Variants in CSMD1 observed in about 807,000 individuals in gnomAD.
CSMD1 encodes the protein CUB and sushi domain-containing protein 1.
CSMD1 carries 213 observed loss-of-function variants against 417.5 expected under a neutral mutation model. That is an observed-to-expected ratio of 0.51 (90% confidence interval 0.46 to 0.57). The LOEUF is 0.57. CSMD1 is among the 20% of genes least tolerant of loss of function. The pLI, the probability that CSMD1 is intolerant of heterozygous loss-of-function variation, is 0.00. For missense variants in CSMD1, 6,923 were observed against 4,529.7 expected, an observed-to-expected ratio of 1.53 and a Z score of -15.17; for synonymous variants, 2,862 against 1,736.8, an observed-to-expected ratio of 1.65 and a Z score of -16.11.
intron 1 of CSMD1, among the ~76,000 whole-genome samples, chr8:4,858,752 A>G: frequency 2.1e-5 from 3 of 143,026 alleles, no homozygotes; most frequent in Admixed American, 7.1e-5. Context: ...ACCACTGCTC[A>G]AGGAAATAAA....
At chr8:4,213,157 A>G (rs555990095) in intron 3 of CSMD1, among the ~76,000 whole-genome samples, 1 of 152,328 alleles carries the variant, frequency 6.6e-6, no homozygotes, top group Admixed American at 6.5e-5. Flanking sequence ...TTACTAGGAT[A>G]TAAACCAAAT....
intron 3 of CSMD1, among the ~76,000 whole-genome samples, chr8:4,123,369 G>C (rs902193624): frequency 6.6e-6 from 1 of 152,128 alleles, no homozygotes; most frequent in African/African-American, 2.4e-5. Flanking sequence ...ATCCCATAAC[G>C]TCCTTTATTA....
Position 3,930,825 on chromosome 8 carries a change from A to G in CSMD1, c.818+67078T>C, listed in dbSNP as rs893909731. Among the ~76,000 whole-genome samples the G allele has an allele frequency of 8.0e-5, 12 of 150,782 alleles. 2 individuals are homozygous for G. The highest frequency in any genetic ancestry group is 2.9e-4 in the African/African-American group (12 of 40,916). ...CAAGATTTCTTATAAATTTGCACTT[A>G]AAACAAAATAAAGTAATAGATATCT... On this transcript the variant is annotated intron_variant, in intron 5 of 69. Transcript: ENST00000635120.
intron 3 of CSMD1, among the ~76,000 whole-genome samples, chr8:4,175,843 A>G (rs984762173): frequency 3.3e-5 from 5 of 152,176 alleles, no homozygotes; most frequent in African/African-American, 9.7e-5. Context: ...AAGTAACTGG[A>G]AAGAAATAAC....
rs370934610 is a variant in CSMD1 at position 3,518,807 on chromosome 8, C to T, written c.1345-25081G>A. ...TTACTAGATGGAACTAGACACCATG[C>T]AAACTTTCTATAAATCAAACTAATA... is the stretch of plus-strand genomic sequence containing the variant. On this transcript the variant is annotated intron_variant, in intron 10 of 69. Coordinates refer to ENST00000635120, the MANE Select transcript of CSMD1 (RefSeq NM_033225.6). 3.3e-5 allele frequency among the ~76,000 whole-genome samples: 5 copies of T among 152,238 alleles called. No individual in the cohort carries two copies. In the East Asian group the frequency reaches 5.8e-4, roughly 18 times the overall value.
intron 3 of CSMD1, among the ~76,000 whole-genome samples, chr8:4,106,138 TTACA>T (rs1206254947): frequency 1.3e-5 from 2 of 152,166 alleles, no homozygotes; most frequent in African/African-American, 4.8e-5. Context: ...CATCGATTTA[TTACA>T]TGTTTCTCTG....
At chr8:4,787,695 GT>G in intron 1 of CSMD1, 3 of 1,591,120 alleles carry the variant, frequency 1.9e-6, no homozygotes, top group African/African-American at 1.3e-5. Context: ...AAGTGGAGTT[GT>G]TTTTCAAGGA....
chr8:3,722,722 A>C (rs889548583), intron 6 of CSMD1, among the ~76,000 whole-genome samples: 2 of 152,202 alleles, frequency 1.3e-5, no homozygotes, highest in Non-Finnish European at 2.9e-5. Flanking sequence ...TTACAAGCGA[A>C]AACTCTTGTC....
chr8:4,048,636 T>C (rs1289275083), intron 3 of CSMD1, among the ~76,000 whole-genome samples: 1 of 152,208 alleles, frequency 6.6e-6, no homozygotes, highest in Non-Finnish European at 1.5e-5. Context: ...TAAATAATTT[T>C]TGGGTGTCAA....
At chr8:3,434,117 T>C (rs1012171818) in intron 12 of CSMD1, among the ~76,000 whole-genome samples, 1 of 152,236 alleles carries the variant, frequency 6.6e-6, no homozygotes, top group Non-Finnish European at 1.5e-5. Flanking sequence ...ACCTTAGAAT[T>C]ATATAAGAAT....
intron 26 of CSMD1, among the ~76,000 whole-genome samples, chr8:3,274,291 G>C (rs905215259): frequency 7.2e-5 from 11 of 152,166 alleles, no homozygotes; most frequent in African/African-American, 2.4e-4. Flanking sequence ...TGGTCTGAGA[G>C]ACAGTTTGTT....
rs557143859 is a variant in CSMD1, at chr8:4,883,009, G to A, written c.85+111323C>T. On this transcript the variant is annotated intron_variant, in intron 1 of 69. Coordinates refer to ENST00000635120, the MANE Select transcript of CSMD1 (RefSeq NM_033225.6). Reference sequence around the variant, plus strand: ...CAGAAGAGAAAATTGACAATTAGCTGAGAGCTCCTTTCCACAAAGCACCAA... The same window carrying A: ...CAGAAGAGAAAATTGACAATTAGCTAAGAGCTCCTTTCCACAAAGCACCAA... Among the ~76,000 whole-genome samples, 21 of 152,180 alleles carry A rather than the reference G, an allele frequency of 1.4e-4. No homozygotes were observed. In the South Asian group the frequency reaches 1.7e-3, roughly 12 times the overall value.
intron 2 of CSMD1, among the ~76,000 whole-genome samples, chr8:4,604,463 A>G (rs1396377171): frequency 6.6e-6 from 1 of 151,670 alleles, no homozygotes; most frequent in Non-Finnish European, 1.5e-5. Flanking sequence ...CAACAAGTTC[A>G]TGAATTTGTC....
chr8:3,318,642 C>T (rs2117463833), intron 23 of CSMD1, among the ~76,000 whole-genome samples: 1 of 152,252 alleles, frequency 6.6e-6, no homozygotes, highest in Middle Eastern at 3.4e-3. Context: ...CTTTGGGACT[C>T]AGAGTTTAAT....
At chr8:3,462,450 C>T (rs1407282536) in intron 12 of CSMD1, among the ~76,000 whole-genome samples, 1 of 152,132 alleles carries the variant, frequency 6.6e-6, no homozygotes. Flanking sequence ...AGCAGATCAG[C>T]AGCAACATTA....
intron 10 of CSMD1, among the ~76,000 whole-genome samples, chr8:3,507,047 G>A (rs1381858917): frequency 3.9e-5 from 6 of 152,086 alleles, no homozygotes; most frequent in Non-Finnish European, 5.9e-5. Context: ...TATACCAAGT[G>A]CCTAACATAG....
At chr8:4,519,383 A>C (rs1296040224) in intron 2 of CSMD1, among the ~76,000 whole-genome samples, 1 of 152,186 alleles carries the variant, frequency 6.6e-6, no homozygotes, top group Admixed American at 6.5e-5. Flanking sequence ...AAAAGTAAAC[A>C]TAAAAATAAA....
intron 63 of CSMD1, among the ~76,000 whole-genome samples, chr8:2,956,201 T>C (rs1802997801): frequency 6.6e-6 from 1 of 152,106 alleles, no homozygotes; most frequent in Non-Finnish European, 1.5e-5. Context: ...TATGCCTTGA[T>C]TTTGTTCTTG....
chr8:3,169,880 G>T (rs981149666), intron 37 of CSMD1, among the ~76,000 whole-genome samples: 21 of 152,090 alleles, frequency 1.4e-4, no homozygotes, highest in Admixed American at 3.3e-4. Context: ...TTCCTTTCCT[G>T]ATGTGAGAAT....
Sources: allele counts gnomAD v4.1 joint callset (sites outside exome capture counted in the v4.1 genomes callset), GRCh38; gene constraint gnomAD v4.1.1; transcripts MANE v1.5; gene names NCBI Gene and HGNC (gene_info 2026-07-23, HGNC 2026-07-21).